Variants in MAPKAP1 observed in about 807,000 individuals in gnomAD.
The protein encoded by MAPKAP1 is MAPK associated protein 1, also known as target of rapamycin complex 2 subunit MAPKAP1.
In MAPKAP1, 20 loss-of-function variants were observed where a neutral mutation model predicts 65.7. The ratio of observed to expected loss-of-function variants is 0.30; its 90% CI spans 0.21 to 0.44. The LOEUF is 0.44. Among genes scored for constraint, MAPKAP1 ranks in the 20% least tolerant of loss-of-function variants. MAPKAP1 has a pLI of 1.00. For synonymous variants in MAPKAP1, 222 were observed against 244.3 expected (o/e 0.91, Z 0.85); for missense variants, 423 against 648.0 (o/e 0.65, Z 3.77).
intron 4 of MAPKAP1, among the ~76,000 whole-genome samples, chr9:125,617,734 TA>T (rs920678721): frequency 3.9e-5 from 6 of 152,154 alleles, no homozygotes; most frequent in Non-Finnish European, 7.4e-5. Flanking sequence ...TACATAAAGT[TA>T]AAAAAATATT....
intron 1 of MAPKAP1, among the ~76,000 whole-genome samples, chr9:125,683,092 A>AT (rs1312469880): frequency 6.7e-6 from 1 of 150,086 alleles, no homozygotes; most frequent in Non-Finnish European, 1.5e-5. Context: ...AGTAGCTGAG[A>AT]TTATAGGTGC....
At chr9:125,556,634 G>A (rs1186247426) in intron 6 of MAPKAP1, among the ~76,000 whole-genome samples, 1 of 152,130 alleles carries the variant, frequency 6.6e-6, no homozygotes, top group Non-Finnish European at 1.5e-5. Context: ...GCCACTTCTT[G>A]TCCCTCCTCT....
chr9:125,498,914 G>A (rs1172119173), intron 8 of MAPKAP1, among the ~76,000 whole-genome samples: 1 of 152,024 alleles, frequency 6.6e-6, no homozygotes, highest in Non-Finnish European at 1.5e-5. Context: ...TCCAAACCTC[G>A]ACACCTGTGC....
intron 1 of MAPKAP1, among the ~76,000 whole-genome samples, chr9:125,679,326 TG>T (rs1473187067): frequency 2.6e-5 from 4 of 152,128 alleles, no homozygotes; most frequent in Non-Finnish European, 5.9e-5. Context: ...AAAAGCCTAT[TG>T]TACTCATTTG....
At chr9:125,645,514 A>C (rs1002417906) in intron 4 of MAPKAP1, among the ~76,000 whole-genome samples, 6 of 152,220 alleles carry the variant, frequency 3.9e-5, no homozygotes, top group African/African-American at 7.2e-5. Context: ...AGGCGGGCAG[A>C]TCACCTGAGC....
intron 9 of MAPKAP1, among the ~76,000 whole-genome samples, chr9:125,468,761 C>A (rs1406037719): frequency 3.9e-5 from 6 of 152,238 alleles, no homozygotes; most frequent in Non-Finnish European, 7.3e-5. Flanking sequence ...GTCATTGCCC[C>A]CCTGCTGAGG....
intron 5 of MAPKAP1, among the ~76,000 whole-genome samples, chr9:125,581,842 T>TA (rs545388977): frequency 6.6e-4 from 97 of 147,658 alleles, no homozygotes; most frequent in African/African-American, 1.6e-3. Flanking sequence ...ACCATTTGTT[T>TA]AAAAAAAAAA....
rs142060374 is a variant in MAPKAP1, at chr9:125,613,816, A to G, written c.499-28089T>C. Among the ~76,000 whole-genome samples the G allele has an allele frequency of 4.4e-3, 654 of 147,360 alleles. 5 individuals carry two copies. Among genetic ancestry groups the G allele is most frequent in the African/African-American group, 0.015 (612 of 39,624 alleles). On this transcript the variant is annotated intron_variant, in intron 4 of 11. Transcript: ENST00000265960. ...AGAGCAATTTCTTTTTTTTTTTTTT[A>G]AGACGGAGTCTCGCTCTGTCACCCA...
chr9:125,666,176 T>C (rs970782726), intron 3 of MAPKAP1, among the ~76,000 whole-genome samples: 3 of 152,250 alleles, frequency 2.0e-5, no homozygotes, highest in African/African-American at 7.2e-5. Flanking sequence ...TATCTATCCA[T>C]GCAGTTTTAG....
intron 5 of MAPKAP1, among the ~76,000 whole-genome samples, chr9:125,572,416 A>G (rs1338044825): frequency 6.6e-6 from 1 of 152,246 alleles, no homozygotes; most frequent in Non-Finnish European, 1.5e-5. Context: ...CACTTTATAC[A>G]AATAATCAGG....
intron 1 of MAPKAP1, 142 bp from the exon 2 acceptor site, chr9:125,672,785 T>A (rs1834532855): frequency 3.2e-6 from 2 of 622,768 alleles, no homozygotes; most frequent in African/African-American, 3.7e-5. Context: ...AAGGATTTAG[T>A]CTAAGCTGAA....
intron 9 of MAPKAP1, among the ~76,000 whole-genome samples, chr9:125,476,627 G>A (rs1254126692): frequency 6.6e-6 from 1 of 152,118 alleles, no homozygotes; most frequent in Non-Finnish European, 1.5e-5. Flanking sequence ...TGCCTGAGGA[G>A]TGAGGCAGTC....
intron 7 of MAPKAP1, among the ~76,000 whole-genome samples, chr9:125,508,599 C>G (rs1432704446): frequency 6.6e-6 from 1 of 152,096 alleles, no homozygotes; most frequent in East Asian, 1.9e-4. Flanking sequence ...ATCTGTTATC[C>G]CAGCGCTTTG....
chr9:125,563,779 C>T (rs1376608562), intron 5 of MAPKAP1, among the ~76,000 whole-genome samples: 6 of 152,016 alleles, frequency 3.9e-5, no homozygotes, highest in African/African-American at 1.2e-4. Context: ...TGCAATGGCA[C>T]GATCTCTGCT....
intron 5 of MAPKAP1, among the ~76,000 whole-genome samples, chr9:125,576,866 T>C (rs10119321): frequency 0.9 from 135,898 of 151,516 alleles, 61,730 homozygotes; most frequent in East Asian, 1. Context: ...TCTCGGCTCG[T>C]TACAACCTCC....
chr9:125,598,586 G>A (rs1156859543), intron 4 of MAPKAP1, among the ~76,000 whole-genome samples: 1 of 152,176 alleles, frequency 6.6e-6, no homozygotes, highest in African/African-American at 2.4e-5. Context: ...GTGATTAAGA[G>A]CACAAGTCGG....
intron 7 of MAPKAP1, among the ~76,000 whole-genome samples, chr9:125,515,470 C>T (rs188896184): frequency 1.2e-4 from 18 of 152,288 alleles, no homozygotes; most frequent in South Asian, 2.1e-4. Flanking sequence ...AGATTGGAAA[C>T]GAATCTCACT....
chr9:125,541,402 C>G (rs1830243931), intron 7 of MAPKAP1, among the ~76,000 whole-genome samples: 1 of 152,164 alleles, frequency 6.6e-6, no homozygotes, highest in Non-Finnish European at 1.5e-5. Context: ...AAAAGTTTCA[C>G]CTTCTCCTTG....
intron 4 of MAPKAP1, among the ~76,000 whole-genome samples, chr9:125,629,100 TAAA>T (rs1436627366): frequency 7.4e-6 from 1 of 135,270 alleles, no homozygotes; most frequent in Non-Finnish European, 1.6e-5. Flanking sequence ...CACCAGAAAA[TAAA>T]AAGTGTTGCA....
Sources: gnomAD v4.1 joint callset for allele counts (sites outside exome capture counted in the v4.1 genomes callset) on GRCh38, gnomAD v4.1.1 for gene constraint, MANE v1.5 for transcripts, NCBI Gene and HGNC (gene_info 2026-07-23, HGNC 2026-07-21) for gene names.